CACNB2: variants seen among roughly 807,000 people sequenced by gnomAD.
CACNB2 encodes calcium voltage-gated channel auxiliary subunit beta 2, also known as voltage-dependent L-type calcium channel subunit beta-2.
A neutral mutation model predicts 73.3 loss-of-function variants in CACNB2; 42 were observed. The observed-to-expected ratio is 0.57, with a 90% CI of 0.45 to 0.74. CACNB2 has a LOEUF of 0.74. Among genes scored for constraint, CACNB2 ranks in the 30% least tolerant of loss-of-function variants. The probability of loss-of-function intolerance (pLI) is 0.00; values close to 1 mark genes in which losing one functional copy is unlikely to be tolerated. For missense variants in CACNB2, 940 were observed against 853.0 expected, an observed-to-expected ratio of 1.10 and a Z score of -1.27; for synonymous variants, 348 against 310.3, an observed-to-expected ratio of 1.12 and a Z score of -1.28.
chr10:18,500,723 C>A, intron 4 of CACNB2, 89 bp from the exon 5 acceptor site: 3 of 1,306,962 alleles, frequency 2.3e-6, no homozygotes, highest in Admixed American at 1.7e-5. Context: ...ATGGTCATTG[C>A]CATATTTCTC....
intron 3 of CACNB2, among the ~76,000 whole-genome samples, chr10:18,460,825 A>G (rs905284864): frequency 2.0e-5 from 3 of 151,342 alleles, no homozygotes; most frequent in African/African-American, 7.3e-5. Context: ...GGGAGGTTGA[A>G]GCTGCAGTGA....
chr10:18,324,684 C>T (rs573491684), intron 2 of CACNB2, among the ~76,000 whole-genome samples: 48 of 152,314 alleles, frequency 3.2e-4, no homozygotes, highest in Middle Eastern at 3.4e-3. Context: ...GGCGAAACCT[C>T]GTCTCTACTG....
At chr10:18,235,114 G>A (rs1209363875) in intron 2 of CACNB2, among the ~76,000 whole-genome samples, 1 of 147,216 alleles carries the variant, frequency 6.8e-6, no homozygotes, top group Non-Finnish European at 1.5e-5. Flanking sequence ...CTGCACTCCA[G>A]CCTGGGCGAC....
rs2035863511 is a variant in CACNB2 at position 18,223,261 on chromosome 10, A to G, written c.213+72286A>G. ...AAATCATATATCCAACACCTTCTATATATGTAATACTGAATATTAATAATT... is the reference window on the plus strand; with the variant it reads ...AAATCATATATCCAACACCTTCTATGTATGTAATACTGAATATTAATAATT... On this transcript the variant is annotated intron_variant, in intron 2 of 13. Transcript: ENST00000324631. Among the ~76,000 whole-genome samples, 4 of 152,218 alleles carry G rather than the reference A, an allele frequency of 2.6e-5. No homozygotes were observed. The South Asian group carries it at 8.3e-4, about 32-fold the overall frequency.
rs757975540 is a variant in CACNB2 at position 18,500,921 on chromosome 10, G to T, written c.566G>T (p.Arg189Ile). ...AACATGAGGCTGCAGCATGAACAGA[G>T]AGCCAAGCAAGGGAAATTCTACTCC... ...LENMRLQHEQ[R>I]AKQGKFYSSK... Residue 189 changes from arginine (R) to isoleucine (I), a missense_variant, in exon 5 of 14, where the codon AGA becomes ATA. By Grantham distance (97) the Arg-to-Ile change is moderately conservative (BLOSUM62 -3). Transcript: ENST00000324631. 1.2e-6 allele frequency: 2 copies of T among 1,614,096 alleles called. No homozygotes were observed. The highest frequency in any genetic ancestry group is 1.7e-6 in the Non-Finnish European group (2 of 1,180,008).
In CACNB2 at chr10:18,378,220, T is replaced by C. The variant is rs181510863; in HGVS notation, c.214-23704T>C. ...AGCTTGGAACCTGTCAGTTTTCACATTGGAATTATTATACTCAACCAATGA... is the reference window on the plus strand; with the variant it reads ...AGCTTGGAACCTGTCAGTTTTCACACTGGAATTATTATACTCAACCAATGA... On this transcript the variant is annotated intron_variant, in intron 2 of 13. Coordinates refer to ENST00000324631, the MANE Select transcript of CACNB2 (RefSeq NM_201596.3). 6.6e-5 allele frequency among the ~76,000 whole-genome samples: 10 copies of C among 152,282 alleles called. No homozygotes were observed. The South Asian group carries it at 1.0e-3, about 16-fold the overall frequency.
chr10:18,226,847 A>T (rs1323297754), intron 2 of CACNB2, among the ~76,000 whole-genome samples: 2 of 152,132 alleles, frequency 1.3e-5, no homozygotes, highest in Non-Finnish European at 2.9e-5. Flanking sequence ...TTTAACTCCC[A>T]GTTTTGCCAC....
chr10:18,174,418 T>C (rs2033458679), intron 2 of CACNB2, among the ~76,000 whole-genome samples: 1 of 151,136 alleles, frequency 6.6e-6, no homozygotes, highest in Non-Finnish European at 1.5e-5. Context: ...CCTTCTTTCC[T>C]TCTTTCTTGA....
intron 2 of CACNB2, among the ~76,000 whole-genome samples, chr10:18,227,164 C>T (rs1022232055): frequency 1.1e-4 from 17 of 152,024 alleles, no homozygotes; most frequent in African/African-American, 4.1e-4. Context: ...TAGCACTTCT[C>T]AGAAGGGAGG....
chr10:18,209,648 T>A (rs77450573), intron 2 of CACNB2, among the ~76,000 whole-genome samples: 9,281 of 152,242 alleles, frequency 0.061, 285 homozygotes, highest in East Asian at 0.099. Context: ...TTTTTTTATA[T>A]GTAGCATACC....
intron 6 of CACNB2, among the ~76,000 whole-genome samples, chr10:18,510,736 T>C (rs2050724899): frequency 6.6e-6 from 1 of 152,236 alleles, no homozygotes; most frequent in Admixed American, 6.5e-5. Flanking sequence ...ACTGGTTATC[T>C]TCATTTTAGG....
At chr10:18,349,045 C>T (rs71497242) in intron 2 of CACNB2, among the ~76,000 whole-genome samples, 26 of 152,280 alleles carry the variant, frequency 1.7e-4, no homozygotes, top group East Asian at 1.2e-3. Context: ...ACTTGACTCC[C>T]GGAAGTTGAG....
intron 2 of CACNB2, chr10:18,260,931 C>A: frequency 8.6e-7 from 1 of 1,163,626 alleles, no homozygotes; most frequent in Non-Finnish European, 1.1e-6. Context: ...GAAACTCTGA[C>A]GATCTGGACA....
chr10:18,152,074 G>A (rs1293963307), intron 2 of CACNB2, among the ~76,000 whole-genome samples: 3 of 152,138 alleles, frequency 2.0e-5, no homozygotes, highest in Non-Finnish European at 4.4e-5. Context: ...CACTCCCCAA[G>A]TGCCTCCCTC....
chr10:18,241,592 A>G (rs2036653433), intron 2 of CACNB2, among the ~76,000 whole-genome samples: 2 of 152,158 alleles, frequency 1.3e-5, no homozygotes, highest in African/African-American at 4.8e-5. Flanking sequence ...TTAAAAAAAA[A>G]AGATACATAC....
Position 18,150,880 on chromosome 10 carries a change from T to TTTTTTTTTTTTTTTTTGTA in CACNB2, c.121-3_121-2insTTTTTTTTTTTTTTTTGTA. The TTTTTTTTTTTTTTTTTGTA allele has an allele frequency of 7.7e-7, 1 of 1,300,366 alleles. No individual in the cohort carries two copies. The highest frequency in any genetic ancestry group is 1.1e-6 in the Non-Finnish European group (1 of 943,298). The allele number at this position is 1,300,366 out of a possible 1,614,324, so 80.6% of individuals were successfully genotyped here. On this transcript the variant is annotated splice_polypyrimidine_tract_variant and splice_region_variant and intron_variant, in intron 1 of 13. Transcript: ENST00000324631. ...CTTTTTTTTTTTTTTTTTTTTTTTT[T>TTTTTTTTTTTTTTTTTGTA]AGTCATATGGAAAAGGAGCCAGAAG...
chr10:18,525,943 A>G (rs1336705160), intron 9 of CACNB2, among the ~76,000 whole-genome samples: 2 of 152,148 alleles, frequency 1.3e-5, no homozygotes, highest in African/African-American at 4.8e-5. Flanking sequence ...CATAGATAAA[A>G]CCATCTTTTA....
rs139670140 is a variant in CACNB2, at chr10:18,338,503, A to C, written c.214-63421A>C. Among the ~76,000 whole-genome samples, 673 of 152,316 alleles carry C rather than the reference A, an allele frequency of 4.4e-3. 6 individuals are homozygous for C. The highest frequency in any genetic ancestry group is 6.8e-3 in the Middle Eastern group (2 of 294). On this transcript the variant is annotated intron_variant, in intron 2 of 13. Transcript: ENST00000324631. ...GTTCCAAAACTTGATTTTTCTATCA[A>C]CATTGTGTTTGTAGGGATTTACTCA...
At chr10:18,442,369 T>C (rs2046452259) in intron 3 of CACNB2, among the ~76,000 whole-genome samples, 2 of 151,900 alleles carry the variant, frequency 1.3e-5, no homozygotes, top group Admixed American at 1.3e-4. Context: ...AGGCTGGTCT[T>C]AAACCCCTGA....
Sources: allele counts gnomAD v4.1 joint callset (sites outside exome capture counted in the v4.1 genomes callset), GRCh38; gene constraint gnomAD v4.1.1; transcripts MANE v1.5; gene names NCBI Gene and HGNC (gene_info 2026-07-23, HGNC 2026-07-21).